Variants in GSE1 observed in about 807,000 individuals in gnomAD.
The protein encoded by GSE1 is genetic suppressor element 1.
A neutral mutation model predicts 112.6 loss-of-function variants in GSE1; 32 were observed. The observed-to-expected ratio is 0.28, with a 90% CI of 0.21 to 0.38. GSE1 has a LOEUF of 0.38. GSE1 is among the 10% of genes least tolerant of loss of function. The pLI is 1.00. For synonymous variants in GSE1, 1,115 were observed against 735.6 expected, an observed-to-expected ratio of 1.52 and a Z score of -8.35; for missense variants, 2,348 against 1,699.2, an observed-to-expected ratio of 1.38 and a Z score of -6.71.
chr16:85,250,571 C>A (rs1040789794), intron 1 of GSE1, among the ~76,000 whole-genome samples: 2 of 152,204 alleles, frequency 1.3e-5, no homozygotes, highest in Non-Finnish European at 2.9e-5. Flanking sequence ...TGTGTTCATG[C>A]CTTTTCATTT....
At chr16:85,323,468 C>A (rs1044491666) in intron 1 of GSE1, among the ~76,000 whole-genome samples, 1 of 151,942 alleles carries the variant, frequency 6.6e-6, no homozygotes, top group Admixed American at 6.6e-5. Context: ...GGAGACAGGC[C>A]CAGAGAGACA....
chr16:85,478,839 TTTTCTTTCTTTCTTTC>T (rs59687856), intron 2 of GSE1, among the ~76,000 whole-genome samples: 4,202 of 102,550 alleles, frequency 0.041, 378 homozygotes, highest in South Asian at 0.068. Context: ...CGCTCATTTA[TTTTCTTTCTTTCTTTC>T]TTTCTTTCTT....
At chr16:85,648,496 A>G (rs2051068076) in intron 2 of GSE1, 56 bp from the exon 3 acceptor site, 2 of 883,558 alleles carry the variant, frequency 2.3e-6, no homozygotes, top group South Asian at 3.5e-5. Flanking sequence ...CCCAGCTGGC[A>G]CTGCACGTGG....
intron 1 of GSE1, among the ~76,000 whole-genome samples, chr16:85,202,421 G>A (rs2075045093): frequency 6.6e-6 from 1 of 152,232 alleles, no homozygotes; most frequent in Non-Finnish European, 1.5e-5. Flanking sequence ...CTGGGAGAGA[G>A]CGGGGGTGGG....
At chr16:85,648,280 AC>A (rs1384967548) in intron 2 of GSE1, among the ~76,000 whole-genome samples, 2 of 152,036 alleles carry the variant, frequency 1.3e-5, no homozygotes, top group African/African-American at 4.8e-5. Flanking sequence ...GGCCCTGGGC[AC>A]CAGAGCATCT....
chr16:85,282,798 G>A (rs2044894509), intron 1 of GSE1, among the ~76,000 whole-genome samples: 1 of 152,228 alleles, frequency 6.6e-6, no homozygotes, highest in African/African-American at 2.4e-5. Flanking sequence ...GCATAATTCT[G>A]TGTTGTATTA....
At chr16:85,560,128 C>CTT (rs377241566) in intron 1 of GSE1, among the ~76,000 whole-genome samples, 1,755 of 99,158 alleles carry the variant, frequency 0.018, 101 homozygotes, top group African/African-American at 0.03. Flanking sequence ...TCTTCTTCTT[C>CTT]TTTTTTTTTT....
At chr16:85,174,526 C>T (rs1437272218) in intron 1 of GSE1, among the ~76,000 whole-genome samples, 1 of 152,208 alleles carries the variant, frequency 6.6e-6, no homozygotes, top group Non-Finnish European at 1.5e-5. Context: ...TTCCGTCCTC[C>T]CTCCCCCTCC....
At position 85,668,444 on chromosome 16, in the gene GSE1, G is replaced by GA; in HGVS notation, c.3415+21dup. On this transcript the variant is annotated intron_variant, in intron 14 of 15. Transcript: ENST00000253458. The stretch of plus-strand genomic sequence containing the variant: ...TAGAAGGTAAGGGGGTGCTGGGGAA[G>GA]AGGGGGGAGGGGGTCAGGAAAGTAC... 1 of 1,473,358 alleles carries GA rather than the reference G, an allele frequency of 6.8e-7. No individual in the cohort carries two copies. 91.3% of individuals were successfully genotyped at this position (1,473,358 alleles called of 1,614,324 possible). A position where few individuals can be genotyped will look rare whatever the true frequency, so the allele number is the denominator to read the frequency against.
At chr16:85,221,750 G>A (rs771063830) in intron 1 of GSE1, among the ~76,000 whole-genome samples, 11 of 152,298 alleles carry the variant, frequency 7.2e-5, no homozygotes, top group Non-Finnish European at 1.5e-4. Context: ...TCATGTCCAG[G>A]CAGGTGGGGG....
intron 14 of GSE1, among the ~76,000 whole-genome samples, chr16:85,670,241 C>A (rs1340430621): frequency 1.3e-5 from 2 of 152,194 alleles, no homozygotes; most frequent in Non-Finnish European, 2.9e-5. Flanking sequence ...AGGTTTGGTT[C>A]TTTCCTTTTG....
intron 1 of GSE1, among the ~76,000 whole-genome samples, chr16:85,307,997 G>A (rs1567678095): frequency 1.3e-5 from 2 of 152,146 alleles, no homozygotes; most frequent in Non-Finnish European, 2.9e-5. Context: ...CCTCAGGGGC[G>A]GGCTTGGTTA....
chr16:85,190,018 G>A (rs2074789478), intron 1 of GSE1, among the ~76,000 whole-genome samples: 1 of 152,162 alleles, frequency 6.6e-6, no homozygotes, highest in Non-Finnish European at 1.5e-5. Context: ...TTTTGCACTT[G>A]TCACCTATCT....
chr16:85,523,114 G>A (rs2052244099), intron 2 of GSE1, among the ~76,000 whole-genome samples: 1 of 150,998 alleles, frequency 6.6e-6, no homozygotes, highest in Admixed American at 6.6e-5. Context: ...GTGTGGTTGT[G>A]GTTGTGTGTG....
chr16:85,522,178 C>T (rs545110308), intron 2 of GSE1, among the ~76,000 whole-genome samples: 58 of 152,308 alleles, frequency 3.8e-4, no homozygotes, highest in African/African-American at 1.4e-3. Context: ...GGGGCTCCCT[C>T]CTCTCCTCCT....
intron 1 of GSE1, among the ~76,000 whole-genome samples, chr16:85,340,155 C>T (rs1211462581): frequency 3.3e-5 from 5 of 152,170 alleles, no homozygotes; most frequent in Admixed American, 6.5e-5. Context: ...TCAGACCAGC[C>T]TGGGCAACAC....
At chr16:85,404,863 C>A (rs2048237927) in intron 2 of GSE1, among the ~76,000 whole-genome samples, 1 of 42,092 alleles carries the variant, frequency 2.4e-5, no homozygotes, top group Non-Finnish European at 4.7e-5. Context: ...TCAGGCCCCC[C>A]TGGATAATCC....
chr16:85,264,304 C>T (rs1054443666), intron 1 of GSE1, among the ~76,000 whole-genome samples: 1 of 152,018 alleles, frequency 6.6e-6, no homozygotes, highest in Non-Finnish European at 1.5e-5. Context: ...CTTAATAGCA[C>T]AAGGAGGGAG....
At chr16:85,369,126 GCTC>G (rs1597504919) in intron 2 of GSE1, among the ~76,000 whole-genome samples, 1 of 152,194 alleles carries the variant, frequency 6.6e-6, no homozygotes, top group Non-Finnish European at 1.5e-5. Flanking sequence ...GGCAGGACTG[GCTC>G]CTCCTGGAGG....
Sources: allele counts gnomAD v4.1 joint callset (sites outside exome capture counted in the v4.1 genomes callset), GRCh38; gene constraint gnomAD v4.1.1; transcripts MANE v1.5; gene names NCBI Gene and HGNC (gene_info 2026-07-23, HGNC 2026-07-21).